FGD6: variants seen among roughly 807,000 people sequenced by gnomAD.
The protein encoded by FGD6 is FYVE, RhoGEF and PH domain containing 6.
In FGD6, 90 loss-of-function variants were observed where a neutral mutation model predicts 149.4. The observed-to-expected ratio is 0.60, with a 90% CI of 0.51 to 0.72. The LOEUF (loss-of-function observed/expected upper bound fraction) is 0.72. Ranked by LOEUF, FGD6 falls within the 30% of genes least tolerant of loss-of-function variation. The probability of loss-of-function intolerance (pLI) is 0.00; values close to 1 mark genes in which losing one functional copy is unlikely to be tolerated. For missense variants in FGD6, 1,437 were observed against 1,684.8 expected (o/e 0.85, Z 2.57); for synonymous variants, 527 against 584.0 (o/e 0.90, Z 1.41).
At chr12:95,094,757 T>C in intron 14 of FGD6, 63 bp from the exon 15 acceptor site, 1 of 1,256,570 alleles carries the variant, frequency 8.0e-7, no homozygotes, top group Admixed American at 1.7e-5. Flanking sequence ...TTTTTCTTCT[T>C]TTCTTTCTCC....
At chr12:95,182,220 C>CTT (rs34662366) in intron 2 of FGD6, among the ~76,000 whole-genome samples, 10,368 of 135,186 alleles carry the variant, frequency 0.077, 472 homozygotes, top group South Asian at 0.13. Flanking sequence ...TGTATACATA[C>CTT]TTTTTTTTTT....
Position 95,216,614 on chromosome 12 carries a change from G to T in FGD6, c.16+611C>A, listed in dbSNP as rs1432149300. Among the ~76,000 whole-genome samples, 5 of 119,012 alleles carry T rather than the reference G, an allele frequency of 4.2e-5. No individual in the cohort carries two copies. The East Asian group carries it at 1.4e-3, about 34-fold the overall frequency. The allele number at this position is 119,012 out of a possible 152,430, so 78.1% of individuals were successfully genotyped here. On this transcript the variant is annotated intron_variant, in intron 1 of 20. Transcript: ENST00000343958. Reference sequence around the variant, plus strand: ...GGAGGCAGACAGAAAATAAAGCTTTGTTTACCCTAATCAGGTAGAAACAAA... The same window carrying T: ...GGAGGCAGACAGAAAATAAAGCTTTTTTTACCCTAATCAGGTAGAAACAAA...
At chr12:95,087,633 T>C (rs1337428004) in intron 18 of FGD6, among the ~76,000 whole-genome samples, 1 of 152,208 alleles carries the variant, frequency 6.6e-6, no homozygotes, top group Non-Finnish European at 1.5e-5. Flanking sequence ...AACCCATGCC[T>C]GGACTCTGGA....
Position 95,188,969 on chromosome 12 carries a change from T to C in FGD6, c.2442-16225A>G, listed in dbSNP as rs377130142. Among the ~76,000 whole-genome samples the C allele has an allele frequency of 2.4e-4, 37 of 152,290 alleles. No individual in the cohort carries two copies. The South Asian group carries it at 5.2e-3, about 21-fold the overall frequency. ...ATTACAGCAATAGTTTTTGGTCTAC[T>C]TCATGTAGATAATCTCAAAATGAAT... is the stretch of plus-strand genomic sequence containing the variant. On this transcript the variant is annotated intron_variant, in intron 2 of 20. Coordinates refer to ENST00000343958, the MANE Select transcript of FGD6 (RefSeq NM_018351.4).
chr12:95,140,175 T>C (rs1286772881), intron 6 of FGD6, among the ~76,000 whole-genome samples: 1 of 152,162 alleles, frequency 6.6e-6, no homozygotes, highest in East Asian at 1.9e-4. Flanking sequence ...CATGTTGTGT[T>C]CCCCATGGTT....
chr12:95,183,744 G>A (rs1592867199), intron 2 of FGD6, among the ~76,000 whole-genome samples: 1 of 152,126 alleles, frequency 6.6e-6, no homozygotes, highest in African/African-American at 2.4e-5. Context: ...AGGATGAGAT[G>A]GGAGGATGGC....
intron 3 of FGD6, among the ~76,000 whole-genome samples, chr12:95,156,687 C>A (rs1880482644): frequency 1.3e-5 from 2 of 152,124 alleles, no homozygotes; most frequent in Non-Finnish European, 2.9e-5. Flanking sequence ...CTGTAGAAAT[C>A]ACTAATAAAA....
At chr12:95,182,232 T>TC (rs1411522823) in intron 2 of FGD6, among the ~76,000 whole-genome samples, 3 of 151,090 alleles carry the variant, frequency 2.0e-5, no homozygotes, top group African/African-American at 7.3e-5. Context: ...TTTTTTTTTT[T>TC]TTTTTGGAGA....
intron 1 of FGD6, among the ~76,000 whole-genome samples, chr12:95,215,730 C>A (rs1035348374): frequency 1.3e-5 from 2 of 152,184 alleles, no homozygotes; most frequent in African/African-American, 4.8e-5. Context: ...CATGAACTTC[C>A]AGTCTGGGCC....
At chr12:95,175,619 C>T (rs140487333) in intron 2 of FGD6, among the ~76,000 whole-genome samples, 12,444 of 151,776 alleles carry the variant, frequency 0.082, 755 homozygotes, top group Non-Finnish European at 0.11. Flanking sequence ...GTGGCATGTG[C>T]CTGTAATCCC....
At chr12:95,181,895 G>T (rs1016601616) in intron 2 of FGD6, among the ~76,000 whole-genome samples, 3 of 148,102 alleles carry the variant, frequency 2.0e-5, no homozygotes, top group Non-Finnish European at 4.4e-5. Context: ...AGTGAGCTGA[G>T]ATCACGCCAC....
Position 95,094,584 on chromosome 12 carries a change from AACAAT to A in FGD6, c.3600+3_3600+7del. The A allele has an allele frequency of 1.3e-6, 2 of 1,578,720 alleles. No homozygotes were observed. Among genetic ancestry groups the A allele is most frequent in the Non-Finnish European group, 1.7e-6 (2 of 1,164,928 alleles). On this transcript the variant is annotated splice_donor_5th_base_variant and intron_variant, in intron 15 of 20. Transcript: ENST00000343958. ...ACTGGAAAAAAAAAAAAAAGGAGAA[AACAAT>A]ACCTCATCAAGACTCCTACTAGGAC...
chr12:95,109,252 A>G (rs1878733292), intron 9 of FGD6, among the ~76,000 whole-genome samples: 1 of 152,220 alleles, frequency 6.6e-6, no homozygotes, highest in Admixed American at 6.5e-5. Context: ...TCTAAAGGAA[A>G]AAGTCTGCAT....
At chr12:95,097,341 G>A (rs1878266468) in intron 14 of FGD6, among the ~76,000 whole-genome samples, 1 of 152,078 alleles carries the variant, frequency 6.6e-6, no homozygotes, top group South Asian at 2.1e-4. Context: ...GAATTGCCAA[G>A]GGTTAAAAAC....
intron 2 of FGD6, among the ~76,000 whole-genome samples, chr12:95,190,393 C>A (rs1483052982): frequency 6.6e-6 from 1 of 152,156 alleles, no homozygotes; most frequent in Non-Finnish European, 1.5e-5. Context: ...TGGTTTCGAA[C>A]TCCTGACCTC....
rs190062092 is a variant in FGD6 at position 95,170,356 on chromosome 12, C to T, written c.2586+2244G>A. On this transcript the variant is annotated intron_variant, in intron 3 of 20. Coordinates refer to ENST00000343958, the MANE Select transcript of FGD6 (RefSeq NM_018351.4). ...TCCTCTTATCCTGTTAGAACATAGGCTAGGCCGGGCAGGGTGGCTCATGCC... is the reference window on the plus strand; with the variant it reads ...TCCTCTTATCCTGTTAGAACATAGGTTAGGCCGGGCAGGGTGGCTCATGCC... 2.0e-5 allele frequency among the ~76,000 whole-genome samples: 3 copies of T among 152,042 alleles called. No individual in the cohort carries two copies. In the East Asian group the frequency reaches 5.8e-4, roughly 30 times the overall value.
chr12:95,217,074 C>T (rs996929272), intron 1 of FGD6, 151 bp downstream of exon 1: 5 of 1,197,604 alleles, frequency 4.2e-6, no homozygotes, highest in African/African-American at 3.1e-5. Flanking sequence ...AAGCCGGCAG[C>T]GAATCCCATT....
chr12:95,183,174 C>T (rs74347715), intron 2 of FGD6, among the ~76,000 whole-genome samples: 7,002 of 152,346 alleles, frequency 0.046, 244 homozygotes, highest in East Asian at 0.15. Flanking sequence ...TCCCACTATG[C>T]TTCTGCTGAT....
At chr12:95,171,274 G>T (rs921546143) in intron 3 of FGD6, among the ~76,000 whole-genome samples, 1 of 152,086 alleles carries the variant, frequency 6.6e-6, no homozygotes, top group Non-Finnish European at 1.5e-5. Context: ...TATTAAACAG[G>T]AAGAACAATA....
Sources: gnomAD v4.1 joint callset for allele counts (sites outside exome capture counted in the v4.1 genomes callset) on GRCh38, gnomAD v4.1.1 for gene constraint, MANE v1.5 for transcripts, NCBI Gene and HGNC (gene_info 2026-07-23, HGNC 2026-07-21) for gene names.